C19orf12: variants seen among roughly 807,000 people sequenced by gnomAD.
C19orf12 encodes the protein protein C19orf12.
C19orf12 carries 2 observed loss-of-function variants against 3.8 expected under a neutral mutation model. That is an observed-to-expected ratio of 0.53 (90% CI 0.22 to 1.66). The LOEUF (loss-of-function observed/expected upper bound fraction) is 1.66. Ranked by LOEUF, C19orf12 falls within the 40% of genes most tolerant of loss-of-function variation. The pLI is 0.20. For missense variants in C19orf12, 156 were observed against 188.8 expected (o/e 0.83, Z 1.02); for synonymous variants, 89 against 84.6 (o/e 1.05, Z -0.28).
At chr19:29,708,704 G>A (rs993703902) in intron 1 of C19orf12, 7 of 471,210 alleles carry the variant, frequency 1.5e-5, no homozygotes, top group East Asian at 4.3e-5. Context: ...GGAGCAACCC[G>A]GCCACATGTT....
At chr19:29,713,713 T>C (rs1037995147) in intron 1 of C19orf12, among the ~76,000 whole-genome samples, 4 of 152,206 alleles carry the variant, frequency 2.6e-5, no homozygotes, top group African/African-American at 9.6e-5. Context: ...AGATTTTGCA[T>C]GCACCTCAGA....
chr19:29,703,934 G>T (rs1972247045), intron 2 of C19orf12, among the ~76,000 whole-genome samples: 1 of 152,038 alleles, frequency 6.6e-6, no homozygotes, highest in African/African-American at 2.4e-5. Context: ...AGGTTGCAGT[G>T]AGCCGAGATC....
At chr19:29,715,469 A>G (rs1201612494), upstream of C19orf12, 4 of 395,366 alleles carry the variant, frequency 1.0e-5, no homozygotes, top group Non-Finnish European at 2.1e-5. Context: ...AGGCGCCCGG[A>G]GAAGAGTCCT....
At chr19:29,708,636 T>TGA in intron 1 of C19orf12, 1 of 629,024 alleles carries the variant, frequency 1.6e-6, no homozygotes, top group Non-Finnish European at 2.9e-6. Context: ...TAGCAGCAGC[T>TGA]GAGTGGATGA....
Position 29,699,273 on chromosome 19 carries a change from C to T in C19orf12, c.*3439G>A, listed in dbSNP as rs1415365781. On this transcript the variant is annotated 3_prime_UTR_variant, in exon 3 of 3. Coordinates refer to ENST00000323670, the MANE Select transcript of C19orf12 (RefSeq NM_031448.6). ...ACGAGGTAAGGAGATTGAGACCATC[C>T]TGGCTAACATGGTGAAACCCCGTCT... The T allele has an allele frequency of 2.3e-6, 1 of 425,946 alleles. No individual in the cohort carries two copies. Among genetic ancestry groups the T allele is most frequent in the African/African-American group, 2.1e-5 (1 of 48,522 alleles). The allele number at this position is 425,946 out of a possible 1,614,324, so 26.4% of individuals were successfully genotyped here.
chr19:29,699,194 G>A lies in C19orf12; in HGVS notation c.*3518C>T, dbSNP rs62105838. The A allele has an allele frequency of 2.6e-4, 117 of 453,760 alleles. 1 individual carries two copies. The highest frequency in any genetic ancestry group is 6.9e-4 in the Middle Eastern group (1 of 1,444). 28.1% of individuals were successfully genotyped at this position (453,760 alleles called of 1,614,324 possible). A position where few individuals can be genotyped will look rare whatever the true frequency, so the allele number is the denominator to read the frequency against. ...AGAAATATACATACATAGGCCGGGC[G>A]CAGTGGCTCACGCCTGTAATCCCAG... On this transcript the variant is annotated 3_prime_UTR_variant, in exon 3 of 3. Transcript: ENST00000323670.
Position 29,702,470 on chromosome 19 carries a change from G to A in C19orf12, c.*242C>T. 2.9e-6 allele frequency: 2 copies of A among 696,372 alleles called. No individual in the cohort carries two copies. Among genetic ancestry groups the A allele is most frequent in the African/African-American group, 1.7e-5 (1 of 57,244 alleles). The allele number at this position is 696,372 out of a possible 1,614,324, so 43.1% of individuals were successfully genotyped here. On this transcript the variant is annotated 3_prime_UTR_variant, in exon 3 of 3. Coordinates refer to ENST00000323670, the MANE Select transcript of C19orf12 (RefSeq NM_031448.6). ...GCAGGCCTTTACTCTTCACTGGGGG[G>A]CCAGTCAGAGGGCTGTCATGGCAGG...
chr19:29,703,384 T>C (rs947786651), intron 2 of C19orf12, among the ~76,000 whole-genome samples: 42 of 147,366 alleles, frequency 2.9e-4, no homozygotes, highest in African/African-American at 6.2e-4. Flanking sequence ...TTTTCTTTTT[T>C]TTTTTTTTTT....
intron 2 of C19orf12, among the ~76,000 whole-genome samples, chr19:29,703,969 G>A (rs960805394): frequency 2.0e-5 from 3 of 151,946 alleles, no homozygotes; most frequent in African/African-American, 7.2e-5. Context: ...CAGCCTGGGT[G>A]ACAGAGCAAG....
At chr19:29,713,254 C>A (rs11667762) in intron 1 of C19orf12, among the ~76,000 whole-genome samples, 1 of 146,244 alleles carries the variant, frequency 6.8e-6, no homozygotes, top group East Asian at 2.3e-4. Flanking sequence ...GAGTGTGGCT[C>A]CCCCTCCCCC....
At chr19:29,708,221 G>A (rs772452963) in intron 2 of C19orf12, 33 bp downstream of exon 2, 1 of 1,606,460 alleles carries the variant, frequency 6.2e-7, no homozygotes, top group Admixed American at 1.7e-5. Flanking sequence ...ACATCCCCGA[G>A]GCTGGCTATC....
chr19:29,703,803 C>T (rs147228788), intron 2 of C19orf12, among the ~76,000 whole-genome samples: 4,643 of 151,996 alleles, frequency 0.031, 87 homozygotes, highest in Non-Finnish European at 0.047. Context: ...CCAGCCTGGC[C>T]GACATGGTGA....
Position 29,699,431 on chromosome 19 carries a change from C to T in C19orf12, c.*3281G>A, listed in dbSNP as rs963331690. On this transcript the variant is annotated 3_prime_UTR_variant, in exon 3 of 3. Transcript: ENST00000323670. ...CCAGGAGGCAGAGCTTGCAGTGAAC[C>T]AAGATCGCGCTACTGCACTCCAGCC... 2.5e-6 allele frequency: 1 copy of T among 398,218 alleles called. No individual in the cohort carries two copies. Among genetic ancestry groups the T allele is most frequent in the Non-Finnish European group, 4.8e-6 (1 of 207,474 alleles). 24.7% of individuals were successfully genotyped at this position (398,218 alleles called of 1,614,324 possible).
In C19orf12 at chr19:29,711,275, G is replaced by A. The variant is rs138327526; in HGVS notation, c.-10-2852C>T. Among the ~76,000 whole-genome samples, 740 of 152,244 alleles carry A rather than the reference G, an allele frequency of 4.9e-3. 8 individuals are homozygous for A. The highest frequency in any genetic ancestry group is 0.017 in the African/African-American group (719 of 41,536). On this transcript the variant is annotated intron_variant, in intron 1 of 2. Transcript: ENST00000323670. ...GGCTGGTCTTGAACTCCTGGCCTCA[G>A]GTGATCTGCCTGCCTTGGCCTCTCA...
At chr19:29,705,776 C>G (rs1021365059) in intron 2 of C19orf12, among the ~76,000 whole-genome samples, 10 of 152,232 alleles carry the variant, frequency 6.6e-5, no homozygotes, top group African/African-American at 2.4e-4. Flanking sequence ...CTCAAGCCTC[C>G]CAAAGTGCTG....
At position 29,700,564 on chromosome 19, in the gene C19orf12, C is replaced by G; in HGVS notation, c.*2148G>C. The G allele has an allele frequency of 2.2e-6, 1 of 454,176 alleles. No homozygotes were observed. Among genetic ancestry groups the G allele is most frequent in the Non-Finnish European group, 4.4e-6 (1 of 226,808 alleles). 28.1% of individuals were successfully genotyped at this position (454,176 alleles called of 1,614,324 possible). ...GATCAGTTCAACAAGAAAAGCCACA[C>G]TCAGTTTTCACAGACAGACAACCCC... is the stretch of plus-strand genomic sequence containing the variant. On this transcript the variant is annotated 3_prime_UTR_variant, in exon 3 of 3. Transcript: ENST00000323670.
At chr19:29,707,871 CTTT>C (rs199544563) in intron 2 of C19orf12, among the ~76,000 whole-genome samples, 2 of 143,282 alleles carry the variant, frequency 1.4e-5, no homozygotes, top group Admixed American at 7.0e-5. Flanking sequence ...TTTCTTTTTC[CTTT>C]TTTTTTTTTT....
In C19orf12 at chr19:29,699,864, T is replaced by C; in HGVS notation, c.*2848A>G. The C allele has an allele frequency of 2.2e-6, 1 of 453,762 alleles. No homozygotes were observed. Among genetic ancestry groups the C allele is most frequent in the Non-Finnish European group, 4.4e-6 (1 of 226,716 alleles). The allele number at this position is 453,762 out of a possible 1,614,324, so 28.1% of individuals were successfully genotyped here. Reference sequence around the variant, plus strand: ...TTTCTACAAAGAAGATACAGATATATAAATACTAAAACCACAGGAGCTGAG... The same window carrying C: ...TTTCTACAAAGAAGATACAGATATACAAATACTAAAACCACAGGAGCTGAG... On this transcript the variant is annotated 3_prime_UTR_variant, in exon 3 of 3. Coordinates refer to ENST00000323670, the MANE Select transcript of C19orf12 (RefSeq NM_031448.6).
chr19:29,711,806 G>C (rs779099476), intron 1 of C19orf12, among the ~76,000 whole-genome samples: 1 of 152,088 alleles, frequency 6.6e-6, no homozygotes, highest in Non-Finnish European at 1.5e-5. Flanking sequence ...GACCTGCTCC[G>C]AATGACTTGA....
Sources: allele counts gnomAD v4.1 joint callset (sites outside exome capture counted in the v4.1 genomes callset), GRCh38; gene constraint gnomAD v4.1.1; transcripts MANE v1.5; gene names NCBI Gene and HGNC (gene_info 2026-07-23, HGNC 2026-07-21).